The following PHF20 variants were observed in gnomAD, a reference collection of about 807,000 sequenced individuals.
PHF20 encodes PHD finger protein 20, also known as glioma-expressed antigen 2.
Under a neutral mutation model 113.5 loss-of-function variants are expected in PHF20, and 23 were observed. The ratio of observed to expected loss-of-function variants is 0.20; its 90% CI spans 0.15 to 0.29. PHF20 has a LOEUF of 0.29. PHF20 is among the 10% of genes least tolerant of loss of function. The pLI is 1.00. For synonymous variants in PHF20, 434 were observed against 457.3 expected, an observed-to-expected ratio of 0.95 and a Z score of 0.65; for missense variants, 943 against 1,219.6, an observed-to-expected ratio of 0.77 and a Z score of 3.38.
chr20:35,944,858 GCC>G (rs566024979), intron 17 of PHF20, among the ~76,000 whole-genome samples: 51 of 152,218 alleles, frequency 3.4e-4, no homozygotes, highest in Admixed American at 2.7e-3. Context: ...TGCACGTCCG[GCC>G]TCTCCATTTA....
In PHF20 at chr20:35,814,286, C is replaced by T. The variant is rs552179613; in HGVS notation, c.83+12681C>T. ...AGGCTGGAGTGCAGTGGTACGATCT[C>T]GGCTCACTGCAACCTCTGCCTCCCT... is the stretch of plus-strand genomic sequence containing the variant. On this transcript the variant is annotated intron_variant, in intron 2 of 17. Coordinates refer to ENST00000374012, the MANE Select transcript of PHF20 (RefSeq NM_016436.5). 9.9e-5 allele frequency among the ~76,000 whole-genome samples: 15 copies of T among 151,762 alleles called. No individual in the cohort carries two copies. The East Asian group carries it at 1.4e-3, about 14-fold the overall frequency.
intron 9 of PHF20, among the ~76,000 whole-genome samples, chr20:35,881,174 C>T (rs557291064): frequency 6.7e-6 from 1 of 149,336 alleles, no homozygotes; most frequent in South Asian, 2.1e-4. Flanking sequence ...TCTCCTGCCT[C>T]AGCCTCCTGA....
chr20:35,843,391 C>T lies in PHF20; in HGVS notation c.255+647C>T, dbSNP rs200588454. Among the ~76,000 whole-genome samples, 48 of 150,646 alleles carry T rather than the reference C, an allele frequency of 3.2e-4. 1 individual carries two copies. Among genetic ancestry groups the T allele is most frequent in the East Asian group, 1.6e-3 (8 of 5,026 alleles). On this transcript the variant is annotated intron_variant, in intron 3 of 17. Coordinates refer to ENST00000374012, the MANE Select transcript of PHF20 (RefSeq NM_016436.5). ...AAAATTAGCTGGATATAGTGGCGGG[C>T]GCCTGTAATACCAGCTACTCGGGAG...
chr20:35,946,654 T>TGC lies in PHF20; in HGVS notation c.2897-831_2897-830insGC, dbSNP rs879359626. On this transcript the variant is annotated intron_variant, in intron 17 of 17. Coordinates refer to ENST00000374012, the MANE Select transcript of PHF20 (RefSeq NM_016436.5). ...TCAACATGGGAAAGCTTTTTATTTT[T>TGC]TATTTTATTTTATTTTATTTTATTT... Among the ~76,000 whole-genome samples, 694 of 144,258 alleles carry TGC rather than the reference T, an allele frequency of 4.8e-3. 6 individuals carry two copies. Among genetic ancestry groups the TGC allele is most frequent in the South Asian group, 9.1e-3 (39 of 4,290 alleles). The allele number at this position is 144,258 out of a possible 152,430, so 94.6% of individuals were successfully genotyped here. A position where few individuals can be genotyped will look rare whatever the true frequency, so the allele number is the denominator to read the frequency against.
intron 9 of PHF20, among the ~76,000 whole-genome samples, chr20:35,872,088 A>C (rs1398116607): frequency 6.6e-6 from 1 of 151,970 alleles, no homozygotes; most frequent in Non-Finnish European, 1.5e-5. Context: ...TATTTTTAAA[A>C]ATATAATTGA....
At chr20:35,839,889 T>C (rs935920617) in intron 2 of PHF20, among the ~76,000 whole-genome samples, 31 of 152,180 alleles carry the variant, frequency 2.0e-4, no homozygotes, top group African/African-American at 7.5e-4. Context: ...ACTGACAGAA[T>C]ACATGACCTT....
intron 9 of PHF20, among the ~76,000 whole-genome samples, chr20:35,881,570 A>C (rs1014143007): frequency 1.3e-5 from 2 of 151,898 alleles, no homozygotes; most frequent in African/African-American, 4.8e-5. Flanking sequence ...AAAGAAAAAA[A>C]TATTCCATAT....
intron 5 of PHF20, among the ~76,000 whole-genome samples, chr20:35,860,475 C>T (rs879852593): frequency 3.3e-5 from 5 of 152,106 alleles, no homozygotes; most frequent in Admixed American, 6.6e-5. Flanking sequence ...GTCCTGACCT[C>T]GGGTGATCTG....
At chr20:35,890,061 AC>A (rs1270947345) in intron 9 of PHF20, among the ~76,000 whole-genome samples, 3 of 149,898 alleles carry the variant, frequency 2.0e-5, no homozygotes, top group Admixed American at 6.7e-5. Context: ...GTTCTGTCTC[AC>A]TGTTGCCCAA....
At chr20:35,843,586 A>G (rs956361340) in intron 3 of PHF20, among the ~76,000 whole-genome samples, 2 of 151,412 alleles carry the variant, frequency 1.3e-5, no homozygotes, top group African/African-American at 4.9e-5. Context: ...CTCATATGCA[A>G]GGTCTTCTTC....
rs541343039 is a variant in PHF20, at chr20:35,829,033, A to G, written c.84-13540A>G. Among the ~76,000 whole-genome samples, 7 of 152,242 alleles carry G rather than the reference A, an allele frequency of 4.6e-5. No homozygotes were observed. The South Asian group carries it at 1.5e-3, about 32-fold the overall frequency. The stretch of plus-strand genomic sequence containing the variant: ...CCAGGATCTCATAAAGGCTGCATCC[A>G]AGGGGGCTCACTCACAGGGCTGGCA... On this transcript the variant is annotated intron_variant, in intron 2 of 17. Transcript: ENST00000374012.
intron 1 of PHF20, among the ~76,000 whole-genome samples, chr20:35,795,376 AG>A (rs1341157257): frequency 6.6e-6 from 1 of 151,788 alleles, no homozygotes; most frequent in Non-Finnish European, 1.5e-5. Flanking sequence ...CTGGGATTAT[AG>A]GTGTGTGCCA....
chr20:35,870,879 A>G, intron 7 of PHF20, 76 bp from the exon 8 acceptor site: 2 of 1,073,970 alleles, frequency 1.9e-6, no homozygotes, highest in South Asian at 3.3e-5. Context: ...AGAGACATCC[A>G]GCCCTGAAAT....
intron 12 of PHF20, chr20:35,917,275 G>A (rs949363624): frequency 1.5e-6 from 1 of 663,116 alleles, no homozygotes; most frequent in Non-Finnish European, 2.8e-6. Context: ...ATGAGGAAGT[G>A]GAGTTGAGTT....
At chr20:35,905,055 C>T (rs866439914) in intron 10 of PHF20, among the ~76,000 whole-genome samples, 1 of 151,954 alleles carries the variant, frequency 6.6e-6, no homozygotes, top group East Asian at 1.9e-4. Flanking sequence ...AAACTCCCGA[C>T]CTCAGATGAT....
chr20:35,829,480 G>A (rs372409207), intron 2 of PHF20, among the ~76,000 whole-genome samples: 6 of 147,852 alleles, frequency 4.1e-5, no homozygotes, highest in African/African-American at 1.3e-4. Flanking sequence ...CGAGTAGCTG[G>A]GATTATAGGC....
chr20:35,808,833 A>T (rs571408539), intron 2 of PHF20, among the ~76,000 whole-genome samples: 1 of 151,184 alleles, frequency 6.6e-6, no homozygotes, highest in Admixed American at 6.6e-5. Flanking sequence ...CGGCCTCCCA[A>T]CGTGCTGGGA....
rs1390462654 is a variant in PHF20, at chr20:35,940,980, G to C, written c.2829G>C (p.Leu943=). The change falls in exon 17 of 18, where the codon CTG becomes CTC. Residue 943 remains leucine (L), a synonymous_variant. Transcript: ENST00000374012. The part of the protein sequence containing the change: ...SSQHQWQFNL[L]THVESLQDEV... ...AGCACCAGTGGCAGTTTAACCTGCTGACCCATGTGGAATCTCTTCAGGATG... is the reference window on the plus strand; with the variant it reads ...AGCACCAGTGGCAGTTTAACCTGCTCACCCATGTGGAATCTCTTCAGGATG... 9 of 1,614,034 alleles carry C rather than the reference G, an allele frequency of 5.6e-6. No homozygotes were observed. The highest frequency in any genetic ancestry group is 2.2e-5 in the South Asian group (2 of 91,084).
intron 2 of PHF20, among the ~76,000 whole-genome samples, chr20:35,841,499 C>T (rs1007320967): frequency 4.0e-5 from 6 of 151,822 alleles, no homozygotes; most frequent in Middle Eastern, 6.9e-3. Context: ...AGGCTGGGCA[C>T]GGTGGCTCAT....
Sources: allele counts gnomAD v4.1 joint callset (sites outside exome capture counted in the v4.1 genomes callset), GRCh38; gene constraint gnomAD v4.1.1; transcripts MANE v1.5; gene names NCBI Gene and HGNC (gene_info 2026-07-23, HGNC 2026-07-21).